Variants in FYN observed in about 807,000 individuals in gnomAD.
FYN encodes tyrosine-protein kinase Fyn.
FYN carries 10 observed loss-of-function variants against 70.2 expected under a neutral mutation model. The observed-to-expected ratio is 0.14, with a 90% confidence interval of 0.09 to 0.24. FYN has a LOEUF of 0.24. Ranked by LOEUF, FYN falls within the 10% of genes least tolerant of loss-of-function variation. The pLI is 1.00. For synonymous variants in FYN, 236 were observed against 248.6 expected, an observed-to-expected ratio of 0.95 and a Z score of 0.48; for missense variants, 319 against 673.1, an observed-to-expected ratio of 0.47 and a Z score of 5.82.
chr6:111,675,148 C>T (rs1798475594), intron 12 of FYN, among the ~76,000 whole-genome samples: 1 of 152,160 alleles, frequency 6.6e-6, no homozygotes, highest in African/African-American at 2.4e-5. Context: ...GCCTCCAGCT[C>T]CTTCTCTCTC....
chr6:111,864,202 G>A (rs1028704156), intron 1 of FYN, among the ~76,000 whole-genome samples: 1 of 152,124 alleles, frequency 6.6e-6, no homozygotes, highest in Non-Finnish European at 1.5e-5. Flanking sequence ...TACTAGGCTG[G>A]GAGCTGCTGG....
At chr6:111,685,954 T>C (rs1798985293) in intron 12 of FYN, among the ~76,000 whole-genome samples, 1 of 151,988 alleles carries the variant, frequency 6.6e-6, no homozygotes, top group South Asian at 2.1e-4. Flanking sequence ...CTGGGCAGAG[T>C]CAGAGCTGCC....
At chr6:111,773,771 G>A (rs982007195) in intron 3 of FYN, among the ~76,000 whole-genome samples, 9 of 152,050 alleles carry the variant, frequency 5.9e-5, no homozygotes, top group Admixed American at 2.0e-4. Context: ...CTATATTCAG[G>A]TCAGTTGCCC....
At chr6:111,773,646 G>GGA (rs1803590777) in intron 3 of FYN, among the ~76,000 whole-genome samples, 1 of 120,428 alleles carries the variant, frequency 8.3e-6, no homozygotes, top group Admixed American at 8.2e-5. Context: ...GGAGGGGGAG[G>GGA]GAGAGGGGAA....
At chr6:111,715,428 T>C (rs1199329469) in intron 4 of FYN, among the ~76,000 whole-genome samples, 1 of 152,274 alleles carries the variant, frequency 6.6e-6, no homozygotes, top group East Asian at 1.9e-4. Context: ...TGCCTCCTAG[T>C]ATTCAGTCTC....
At chr6:111,859,156 C>T (rs1451135683) in intron 1 of FYN, among the ~76,000 whole-genome samples, 2 of 152,166 alleles carry the variant, frequency 1.3e-5, no homozygotes, top group Non-Finnish European at 2.9e-5. Flanking sequence ...CAGACCCTTC[C>T]TTACCTATCA....
intron 5 of FYN, among the ~76,000 whole-genome samples, chr6:111,712,398 G>A (rs756666864): frequency 1.8e-4 from 28 of 152,214 alleles, no homozygotes; most frequent in Non-Finnish European, 4.0e-4. Context: ...TACCCAGAGA[G>A]ATCAAAGCCC....
At chr6:111,820,798 T>C (rs1772633091) in intron 2 of FYN, among the ~76,000 whole-genome samples, 1 of 152,168 alleles carries the variant, frequency 6.6e-6, no homozygotes, top group South Asian at 2.1e-4. Flanking sequence ...TGCTGGGAAA[T>C]ACCAACATTT....
At chr6:111,864,773 G>C (rs1774059890) in intron 1 of FYN, among the ~76,000 whole-genome samples, 1 of 152,198 alleles carries the variant, frequency 6.6e-6, no homozygotes. Flanking sequence ...CACAGCTCTG[G>C]AGCAAAAGCA....
intron 3 of FYN, among the ~76,000 whole-genome samples, chr6:111,774,030 C>T (rs754031570): frequency 2.6e-5 from 4 of 152,164 alleles, no homozygotes; most frequent in Non-Finnish European, 4.4e-5. Context: ...CAGGTGGATG[C>T]GAGGCTGTGG....
intron 2 of FYN, among the ~76,000 whole-genome samples, chr6:111,807,756 G>C (rs1200692932): frequency 1.3e-5 from 2 of 152,034 alleles, no homozygotes; most frequent in African/African-American, 2.4e-5. Context: ...ACTTCCCCAG[G>C]GGGTTCTGAA....
At chr6:111,720,857 C>T (rs994845412) in intron 3 of FYN, among the ~76,000 whole-genome samples, 1 of 152,020 alleles carries the variant, frequency 6.6e-6, no homozygotes, top group Non-Finnish European at 1.5e-5. Context: ...GCCACCCCAC[C>T]CTCCTCAAAC....
intron 13 of FYN, among the ~76,000 whole-genome samples, chr6:111,662,878 C>A: frequency 6.6e-6 from 1 of 152,310 alleles, no homozygotes; most frequent in Non-Finnish European, 1.5e-5. Context: ...CTGATGACTT[C>A]AGCCAGGCCA....
intron 1 of FYN, among the ~76,000 whole-genome samples, chr6:111,865,641 TA>T (rs961111322): frequency 6.6e-6 from 1 of 152,156 alleles, no homozygotes; most frequent in East Asian, 1.9e-4. Context: ...CTAGAAACAC[TA>T]AAAAAATTAT....
chr6:111,805,641 T>C (rs886104824), intron 2 of FYN, among the ~76,000 whole-genome samples: 1 of 152,120 alleles, frequency 6.6e-6, no homozygotes, highest in African/African-American at 2.4e-5. Flanking sequence ...GGCTCCCTTC[T>C]TCCTGAGGCA....
chr6:111,763,305 C>A (rs774749334), intron 3 of FYN, among the ~76,000 whole-genome samples: 5 of 152,194 alleles, frequency 3.3e-5, no homozygotes, highest in Non-Finnish European at 7.3e-5. Context: ...CTCAGGACCC[C>A]CTGAAGCTAT....
At chr6:111,764,981 G>A (rs1038126514) in intron 3 of FYN, among the ~76,000 whole-genome samples, 2 of 151,936 alleles carry the variant, frequency 1.3e-5, no homozygotes, top group Admixed American at 6.6e-5. Flanking sequence ...GAGCCCTCTC[G>A]GTGGGGCCGA....
At chr6:111,737,217 T>C (rs1367172156) in intron 3 of FYN, among the ~76,000 whole-genome samples, 1 of 152,242 alleles carries the variant, frequency 6.6e-6, no homozygotes, top group African/African-American at 2.4e-5. Flanking sequence ...AATTTTGCAG[T>C]GGACACAGCT....
chr6:111,774,082 ACT>A, intron 3 of FYN, among the ~76,000 whole-genome samples: 2 of 152,186 alleles, frequency 1.3e-5, no homozygotes, highest in East Asian at 1.9e-4. Flanking sequence ...CAAAGACAGT[ACT>A]CTCTCTCACA....
Sources: gnomAD v4.1 joint callset for allele counts (sites outside exome capture counted in the v4.1 genomes callset) on GRCh38, gnomAD v4.1.1 for gene constraint, MANE v1.5 for transcripts, NCBI Gene and HGNC (gene_info 2026-07-23, HGNC 2026-07-21) for gene names.